Variants in RBMS1 observed in about 807,000 individuals in gnomAD.
RBMS1 encodes RNA-binding motif, single-stranded-interacting protein 1.
In RBMS1, 17 loss-of-function variants were observed where a neutral mutation model predicts 62.3. That is an observed-to-expected ratio of 0.27 (90% confidence interval 0.19 to 0.41). The LOEUF is 0.41. Ranked by LOEUF, RBMS1 falls within the 10% of genes least tolerant of loss-of-function variation. The pLI, the probability that RBMS1 is intolerant of heterozygous loss-of-function variation, is 1.00. For missense variants in RBMS1, 334 were observed against 504.5 expected (o/e 0.66, Z 3.24); for synonymous variants, 172 against 170.0 (o/e 1.01, Z -0.09).
chr2:160,320,227 G>A (rs968122986), intron 2 of RBMS1, among the ~76,000 whole-genome samples: 1 of 152,188 alleles, frequency 6.6e-6, no homozygotes, highest in South Asian at 2.1e-4. Flanking sequence ...CAGCACTTTG[G>A]AAGGCCAAAG....
chr2:160,392,795 G>A (rs1316598772), intron 1 of RBMS1, among the ~76,000 whole-genome samples: 2 of 152,012 alleles, frequency 1.3e-5, no homozygotes, highest in African/African-American at 4.8e-5. Flanking sequence ...GGGTGGCTAA[G>A]GTGGGAGGAT....
intron 1 of RBMS1, among the ~76,000 whole-genome samples, chr2:160,445,127 C>T (rs941658465): frequency 6.6e-6 from 1 of 152,210 alleles, no homozygotes; most frequent in East Asian, 1.9e-4. Flanking sequence ...TACTAGTACA[C>T]TTGCCCCCTT....
chr2:160,293,707 C>A (rs1048676892), intron 6 of RBMS1, among the ~76,000 whole-genome samples: 9 of 152,094 alleles, frequency 5.9e-5, no homozygotes, highest in Non-Finnish European at 8.8e-5. Context: ...GGTGTTTGTG[C>A]AGGGAGTCAG....
At chr2:160,310,283 T>C (rs527633750) in intron 4 of RBMS1, among the ~76,000 whole-genome samples, 1 of 152,358 alleles carries the variant, frequency 6.6e-6, no homozygotes, top group South Asian at 2.1e-4. Context: ...CACTGCTGCC[T>C]GATCACCAAA....
At chr2:160,415,086 G>A (rs377403843) in intron 1 of RBMS1, among the ~76,000 whole-genome samples, 98 of 151,856 alleles carry the variant, frequency 6.5e-4, no homozygotes, top group Middle Eastern at 3.4e-3. Flanking sequence ...TAAATTGACT[G>A]GACGATGTCT....
intron 1 of RBMS1, among the ~76,000 whole-genome samples, chr2:160,461,688 T>C (rs543557992): frequency 6.6e-6 from 1 of 152,356 alleles, no homozygotes; most frequent in Non-Finnish European, 1.5e-5. Flanking sequence ...GCCTTCCTCT[T>C]TGCGTTATAA....
At chr2:160,311,224 C>CCATATATATATATATATA (rs71297446) in intron 4 of RBMS1, among the ~76,000 whole-genome samples, 672 of 56,380 alleles carry the variant, frequency 0.012, 41 homozygotes, top group Non-Finnish European at 0.018. Context: ...ATCTATCTAT[C>CCATATATATATATATATA]TATCTATCTA....
chr2:160,479,197 A>G (rs1460102986), intron 1 of RBMS1, among the ~76,000 whole-genome samples: 4 of 152,268 alleles, frequency 2.6e-5, no homozygotes, highest in South Asian at 2.1e-4. Context: ...CCCCACAGCC[A>G]TAACAACAAA....
intron 1 of RBMS1, among the ~76,000 whole-genome samples, chr2:160,379,903 T>C (rs1053588850): frequency 6.6e-6 from 1 of 152,186 alleles, no homozygotes; most frequent in Non-Finnish European, 1.5e-5. Context: ...ACCCAGGACC[T>C]CTGTGTGTTT....
intron 2 of RBMS1, among the ~76,000 whole-genome samples, chr2:160,323,609 A>G (rs1421155095): frequency 6.0e-5 from 5 of 82,828 alleles, no homozygotes; most frequent in African/African-American, 2.2e-4. Context: ...GAATTTCATG[A>G]AAGAAAAAAA....
At position 160,491,871 on chromosome 2, in the gene RBMS1, G is replaced by T. The variant is rs186821207; in HGVS notation, c.75+1418C>A. The stretch of plus-strand genomic sequence containing the variant: ...GAGAACTACACAGAGATGAATAAGG[G>T]GTATCCTTGCTGCTACCATCTTGCT... On this transcript the variant is annotated intron_variant, in intron 1 of 13. Transcript: ENST00000348849. 1.8e-4 allele frequency among the ~76,000 whole-genome samples: 27 copies of T among 152,266 alleles called. No homozygotes were observed. The East Asian group carries it at 4.6e-3, about 26-fold the overall frequency.
chr2:160,392,213 T>TTGAAA (rs1694901976), intron 1 of RBMS1, among the ~76,000 whole-genome samples: 1 of 152,238 alleles, frequency 6.6e-6, no homozygotes, highest in Non-Finnish European at 1.5e-5. Flanking sequence ...CAAGTCCTTC[T>TTGAAA]GTGCATCTTC....
Position 160,278,610 on chromosome 2 carries a change from C to T in RBMS1, c.1000G>A (p.Ala334Thr), listed in dbSNP as rs201470529. The change falls in exon 11 of 14, where the codon GCA becomes ACA. Residue 334 changes from alanine (A) to threonine (T), a missense_variant. Ala to Thr is a moderately conservative substitution (Grantham distance 58). Coordinates refer to ENST00000348849, the MANE Select transcript of RBMS1 (RefSeq NM_016836.4). ...SMEHTMSLQP[A>T]SMISPLAQQM... is the part of the protein sequence containing the mutation. ...TGGGCCAGAGGGCTGATCATTGATG[C>T]GGGCTGTAGTGACATGGTGTGCTCC... The T allele has an allele frequency of 4.9e-5, 79 of 1,613,518 alleles. No individual in the cohort carries two copies. Among genetic ancestry groups the T allele is most frequent in the Non-Finnish European group, 6.5e-5 (77 of 1,179,734 alleles).
chr2:160,289,421 T>C (rs994998579), intron 6 of RBMS1, among the ~76,000 whole-genome samples: 7 of 152,362 alleles, frequency 4.6e-5, no homozygotes, highest in East Asian at 3.9e-4. Flanking sequence ...ATTTCTGAGA[T>C]AGTTGCTGGC....
chr2:160,356,566 TTC>T (rs1245401372), intron 2 of RBMS1, among the ~76,000 whole-genome samples: 4 of 152,110 alleles, frequency 2.6e-5, no homozygotes, highest in Non-Finnish European at 5.9e-5. Context: ...CATTCTTAAG[TTC>T]TGGCTCCACC....
intron 13 of RBMS1, 190 bp downstream of exon 13, chr2:160,275,440 A>G: frequency 9.0e-7 from 1 of 1,116,938 alleles, no homozygotes; most frequent in East Asian, 3.1e-5. Flanking sequence ...CATTCTCTTT[A>G]GACAAAATGA....
intron 6 of RBMS1, among the ~76,000 whole-genome samples, chr2:160,291,982 T>C (rs1203673767): frequency 6.6e-6 from 1 of 152,252 alleles, no homozygotes; most frequent in Admixed American, 6.5e-5. Flanking sequence ...TGATAGGTCC[T>C]TTTCTTCTAC....
At chr2:160,290,872 G>C (rs1470664361) in intron 6 of RBMS1, among the ~76,000 whole-genome samples, 1 of 152,186 alleles carries the variant, frequency 6.6e-6, no homozygotes, top group Non-Finnish European at 1.5e-5. Flanking sequence ...ACACAAGCTT[G>C]ATTTTGTGGT....
intron 2 of RBMS1, among the ~76,000 whole-genome samples, chr2:160,333,359 C>T (rs930085186): frequency 2.6e-5 from 4 of 152,172 alleles, no homozygotes; most frequent in South Asian, 2.1e-4. Context: ...AACTTATGTG[C>T]CCTTTCCCAC....
Sources: allele counts gnomAD v4.1 joint callset (sites outside exome capture counted in the v4.1 genomes callset), GRCh38; gene constraint gnomAD v4.1.1; transcripts MANE v1.5; gene names NCBI Gene and HGNC (gene_info 2026-07-23, HGNC 2026-07-21).